MME: variants seen among roughly 807,000 people sequenced by gnomAD.
The protein encoded by MME is neprilysin.
Under a neutral mutation model 113.2 loss-of-function variants are expected in MME, and 98 were observed. That is an observed-to-expected ratio of 0.87 (90% CI 0.74 to 1.02). The LOEUF (loss-of-function observed/expected upper bound fraction) is 1.02, where lower values mean the gene tolerates loss of function less well. Ranked by LOEUF, MME falls within the 50% of genes least tolerant of loss-of-function variation. The pLI is 0.00. For missense variants in MME, 836 were observed against 896.0 expected, an observed-to-expected ratio of 0.93 and a Z score of 0.86; for synonymous variants, 292 against 300.6, an observed-to-expected ratio of 0.97 and a Z score of 0.30.
intron 8 of MME, among the ~76,000 whole-genome samples, chr3:155,137,459 C>A (rs911280338): frequency 6.6e-6 from 1 of 152,168 alleles, no homozygotes; most frequent in Non-Finnish European, 1.5e-5. Context: ...GTAATCCCAG[C>A]ACTTTGGGAG....
intron 22 of MME, among the ~76,000 whole-genome samples, chr3:155,176,068 G>A (rs1712489830): frequency 6.6e-6 from 1 of 152,164 alleles, no homozygotes; most frequent in Admixed American, 6.5e-5. Context: ...AGTTAATGAT[G>A]AAGATTGGAT....
intron 1 of MME, among the ~76,000 whole-genome samples, chr3:155,069,893 A>G (rs777878668): frequency 6.6e-6 from 1 of 152,210 alleles, no homozygotes; most frequent in African/African-American, 2.4e-5. Context: ...CGTCAGCAGA[A>G]GGACCTTATT....
intron 8 of MME, among the ~76,000 whole-genome samples, chr3:155,136,934 G>A (rs961370308): frequency 2.6e-5 from 4 of 152,116 alleles, no homozygotes; most frequent in African/African-American, 9.7e-5. Context: ...ATTTTAAAAT[G>A]AGGTGGAATC....
At chr3:155,156,074 A>G (rs1011812687) in intron 16 of MME, among the ~76,000 whole-genome samples, 2 of 152,210 alleles carry the variant, frequency 1.3e-5, no homozygotes, top group Non-Finnish European at 2.9e-5. Context: ...GTTAACAACC[A>G]TATGCAACAA....
At chr3:155,120,289 A>G (rs1434565215) in intron 8 of MME, among the ~76,000 whole-genome samples, 2 of 110,514 alleles carry the variant, frequency 1.8e-5, no homozygotes, top group Admixed American at 1.1e-4. Context: ...AAATTTGTTT[A>G]AGTTCATTGT....
At chr3:155,124,602 G>C (rs1440211621) in intron 8 of MME, among the ~76,000 whole-genome samples, 1 of 152,010 alleles carries the variant, frequency 6.6e-6, no homozygotes, top group Non-Finnish European at 1.5e-5. Context: ...TTTTTGGTGT[G>C]GATGTCCTTT....
chr3:155,156,059 G>A (rs1425455306), intron 16 of MME, among the ~76,000 whole-genome samples: 1 of 152,180 alleles, frequency 6.6e-6, no homozygotes, highest in Non-Finnish European at 1.5e-5. Context: ...GAGTACTTCA[G>A]TTATGTTAAC....
At chr3:155,113,037 A>G (rs1035306007) in intron 3 of MME, among the ~76,000 whole-genome samples, 7 of 152,338 alleles carry the variant, frequency 4.6e-5, no homozygotes, top group African/African-American at 1.4e-4. Context: ...GCATCAGGGA[A>G]GAGATGGAAC....
upstream of MME, among the ~76,000 whole-genome samples, chr3:155,079,337 C>T (rs997819004): frequency 6.6e-6 from 1 of 152,020 alleles, no homozygotes; most frequent in Non-Finnish European, 1.5e-5. Flanking sequence ...AGTCTCCGGT[C>T]CACAGGGGAG....
intron 22 of MME, among the ~76,000 whole-genome samples, chr3:155,177,916 G>T (rs1712713237): frequency 1.3e-5 from 2 of 152,050 alleles, no homozygotes; most frequent in South Asian, 4.1e-4. Flanking sequence ...GATCCCTACA[G>T]TCCAAATGCT....
At chr3:155,151,080 A>G (rs567665407) in intron 16 of MME, among the ~76,000 whole-genome samples, 1 of 152,206 alleles carries the variant, frequency 6.6e-6, no homozygotes, top group Non-Finnish European at 1.5e-5. Flanking sequence ...GTCTAAAAAA[A>G]AAAATGTAAT....
intron 1 of MME, among the ~76,000 whole-genome samples, chr3:155,049,528 G>A (rs1394461575): frequency 6.6e-6 from 1 of 152,136 alleles, no homozygotes; most frequent in Non-Finnish European, 1.5e-5. Context: ...AGATTGCCTT[G>A]AAGAGATGCT....
intron 8 of MME, among the ~76,000 whole-genome samples, chr3:155,133,062 A>ATATATATATATATATATATAT (rs376436889): frequency 2.7e-5 from 2 of 75,080 alleles, no homozygotes; most frequent in African/African-American, 6.6e-5. Context: ...AAAAAAAAAA[A>ATATATATATATATATATATAT]ATATATATAT....
intron 3 of MME, among the ~76,000 whole-genome samples, chr3:155,104,670 C>T (rs557706528): frequency 1.3e-5 from 2 of 152,114 alleles, no homozygotes; most frequent in African/African-American, 2.4e-5. Context: ...GGGTGTGGAC[C>T]CCCATTGCTC....
chr3:155,052,697 G>T (rs1264062936), intron 1 of MME, among the ~76,000 whole-genome samples: 1 of 152,194 alleles, frequency 6.6e-6, no homozygotes, highest in Non-Finnish European at 1.5e-5. Context: ...GATAGAAGGG[G>T]CTGTCATGAA....
At chr3:155,049,661 ATCTATC>A (rs1223513513) in intron 1 of MME, among the ~76,000 whole-genome samples, 6 of 151,562 alleles carry the variant, frequency 4.0e-5, no homozygotes, top group African/African-American at 1.5e-4. Context: ...CTATCTATCT[ATCTATC>A]TATCTATATA....
At chr3:155,075,637 A>C (rs1457170030), upstream of MME, among the ~76,000 whole-genome samples, 1 of 152,138 alleles carries the variant, frequency 6.6e-6, no homozygotes, top group Non-Finnish European at 1.5e-5. Context: ...ATAAAGTCTA[A>C]AGTATATAAT....
At chr3:155,153,309 C>T (rs74285206) in intron 16 of MME, among the ~76,000 whole-genome samples, 3,163 of 152,180 alleles carry the variant, frequency 0.021, 64 homozygotes, top group East Asian at 0.11. Flanking sequence ...ATTTTAAAAG[C>T]TCTTGATTCA....
chr3:155,033,433 T>C (rs1413925524), intron 1 of MME, among the ~76,000 whole-genome samples: 1 of 152,166 alleles, frequency 6.6e-6, no homozygotes, highest in African/African-American at 2.4e-5. Context: ...AAAAACTGTT[T>C]TCTATTCATT....
Sources: gnomAD v4.1 joint callset for allele counts (sites outside exome capture counted in the v4.1 genomes callset) on GRCh38, gnomAD v4.1.1 for gene constraint, MANE v1.5 for transcripts, NCBI Gene and HGNC (gene_info 2026-07-23, HGNC 2026-07-21) for gene names.